SOD2: variants seen among roughly 807,000 people sequenced by gnomAD.
SOD2 encodes the protein superoxide dismutase [Mn], mitochondrial.
SOD2 carries 11 observed loss-of-function variants against 27.0 expected under a neutral mutation model. The observed-to-expected ratio is 0.41, with a 90% CI of 0.26 to 0.67. SOD2 has a LOEUF of 0.67. Ranked by LOEUF, SOD2 falls within the 30% of genes least tolerant of loss-of-function variation. The probability of loss-of-function intolerance (pLI) is 0.34; values close to 1 mark genes in which losing one functional copy is unlikely to be tolerated. For missense variants in SOD2, 250 were observed against 274.5 expected (o/e 0.91, Z 0.63); for synonymous variants, 105 against 103.0 (o/e 1.02, Z -0.12).
At chr6:159,721,473 A>T (rs1778039269) in intron 1 of SOD2, among the ~76,000 whole-genome samples, 1 of 152,034 alleles carries the variant, frequency 6.6e-6, no homozygotes, top group South Asian at 2.1e-4. Context: ...GGTTCAAGCA[A>T]TTCTCCTGCC....
chr6:159,713,171 T>C, intron 1 of SOD2: 5 of 1,265,918 alleles, frequency 3.9e-6, no homozygotes, highest in African/African-American at 3.0e-5. Context: ...ACTATCTCCG[T>C]ATCTATGATC....
chr6:159,756,594 C>CTTTTTTTTTTTTT (rs3066261), intron 1 of SOD2, among the ~76,000 whole-genome samples: 2 of 94,370 alleles, frequency 2.1e-5, no homozygotes, highest in Non-Finnish European at 4.1e-5. Context: ...ATTTCTTAGG[C>CTTTTTTTTTTTTT]TTTTTTTTTT....
upstream of SOD2, among the ~76,000 whole-genome samples, chr6:159,694,250 C>G (rs1421315933): frequency 2.0e-5 from 3 of 152,228 alleles, no homozygotes; most frequent in African/African-American, 7.2e-5. Flanking sequence ...AGTTAAACAA[C>G]AATCCTGAAT....
chr6:159,703,317 T>TTGTA (rs1777560909), intron 1 of SOD2, among the ~76,000 whole-genome samples: 1 of 152,066 alleles, frequency 6.6e-6, no homozygotes, highest in Admixed American at 6.6e-5. Flanking sequence ...GCTTCTGTTT[T>TTGTA]TGTATGTATG....
chr6:159,728,747 C>T (rs1778383585), upstream of SOD2, among the ~76,000 whole-genome samples: 1 of 152,124 alleles, frequency 6.6e-6, no homozygotes, highest in Admixed American at 6.5e-5. Flanking sequence ...GATTGCAGTC[C>T]GCAAAGCTGG....
rs530080931 is a variant in SOD2, at chr6:159,705,517, A to T, written c.-115-12654T>A. ...GATTCGATCAACTGGAAGAAAGGGT[A>T]TCAGTGATTGAAGATCAAATGAATG... is the stretch of plus-strand genomic sequence containing the variant. On this transcript the variant is annotated intron_variant, in intron 1 of 2. Transcript: ENST00000401980. Among the ~76,000 whole-genome samples, 361 of 152,390 alleles carry T rather than the reference A, an allele frequency of 2.4e-3. 1 individual carries two copies. Among genetic ancestry groups the T allele is most frequent in the South Asian group, 3.5e-3 (17 of 4,828 alleles).
chr6:159,727,767 C>T (rs2114853406), upstream of SOD2: 2 of 973,236 alleles, frequency 2.1e-6, no homozygotes, highest in Non-Finnish European at 2.4e-6. Context: ...GGCTGATGCG[C>T]AGCCGCCCCC....
At chr6:159,712,322 G>A (rs375157737) in intron 1 of SOD2, among the ~76,000 whole-genome samples, 382 of 122,600 alleles carry the variant, frequency 3.1e-3, no homozygotes, top group South Asian at 7.0e-3. Context: ...CACTCACACT[G>A]CTCTGATCAC....
chr6:159,680,984 T>C lies in SOD2; in HGVS notation c.*1509A>G, dbSNP rs771568524. The C allele has an allele frequency of 1.4e-5, 2 of 147,144 alleles. No homozygotes were observed. Among genetic ancestry groups the C allele is most frequent in the African/African-American group, 5.0e-5 (2 of 40,296 alleles). The allele number at this position is 147,144 out of a possible 1,614,324, so 9.1% of individuals were successfully genotyped here. A position where few individuals can be genotyped will look rare whatever the true frequency, so the allele number is the denominator to read the frequency against. ...CGCCTATATAAAGAAAATATTCCAA[T>C]AGGAGATAAACCTATGTACACAGAG... is the stretch of plus-strand genomic sequence containing the variant. On this transcript the variant is annotated 3_prime_UTR_variant, in exon 5 of 5. Transcript: ENST00000538183.
At chr6:159,757,812 T>A (rs921787259) in intron 1 of SOD2, among the ~76,000 whole-genome samples, 2 of 152,250 alleles carry the variant, frequency 1.3e-5, no homozygotes, top group African/African-American at 4.8e-5. Context: ...TATCAGATAC[T>A]GTGTTTGGCT....
intron 1 of SOD2, chr6:159,743,637 T>G (rs1583091432): frequency 6.4e-7 from 1 of 1,570,298 alleles, no homozygotes. Flanking sequence ...CTTAAAATTG[T>G]ATTTATAATT....
chr6:159,711,002 GACCTCCATAACC>G (rs1306679076), intron 1 of SOD2, among the ~76,000 whole-genome samples: 3 of 79,398 alleles, frequency 3.8e-5, no homozygotes, highest in Non-Finnish European at 5.4e-5. Context: ...ACACTGCTCT[GACCTCCATAACC>G]ACCTCCATAA....
chr6:159,738,694 C>G (rs1192593624), intron 1 of SOD2, among the ~76,000 whole-genome samples: 1 of 152,098 alleles, frequency 6.6e-6, no homozygotes, highest in East Asian at 1.9e-4. Flanking sequence ...TTCAGTTTCT[C>G]TGAATCCTCA....
chr6:159,724,044 C>T (rs376861267), intron 1 of SOD2, among the ~76,000 whole-genome samples: 1 of 152,076 alleles, frequency 6.6e-6, no homozygotes, highest in Non-Finnish European at 1.5e-5. Flanking sequence ...CCACTGCACC[C>T]AGCCCTCCAG....
At chr6:159,685,660 AG>A (rs375901719) in intron 3 of SOD2, among the ~76,000 whole-genome samples, 22 of 131,342 alleles carry the variant, frequency 1.7e-4, no homozygotes, top group African/African-American at 6.5e-4. Context: ...AGTATACAAC[AG>A]TTTTCACCCC....
At position 159,674,751 on chromosome 6, in the gene SOD2, A is replaced by T. The variant is rs1414867753; in HGVS notation, c.*7742T>A. The T allele has an allele frequency of 6.6e-6, 1 of 152,256 alleles. No individual in the cohort carries two copies. The highest frequency in any genetic ancestry group is 1.5e-5 in the Non-Finnish European group (1 of 68,040). The allele number at this position is 152,256 out of a possible 1,614,324, so 9.4% of individuals were successfully genotyped here. On this transcript the variant is annotated 3_prime_UTR_variant, in exon 5 of 5. Coordinates refer to ENST00000538183, the MANE Select transcript of SOD2 (RefSeq NM_000636.4). ...AGTGTTGGAAGTTCTGGCCAGGGCC[A>T]TCAGGCAGGAGAAAGAAATAAAGGG...
At chr6:159,727,377 C>CAGGAGGCGGGAGGCGGGAGGA, upstream of SOD2, 1 of 536,502 alleles carries the variant, frequency 1.9e-6, no homozygotes, top group Non-Finnish European at 2.6e-6. Flanking sequence ...GGGAGGCTGG[C>CAGGAGGCGGGAGGCGGGAGGA]GGGAGGCGGG....
chr6:159,714,400 G>A (rs1368029990), intron 1 of SOD2, among the ~76,000 whole-genome samples: 2 of 151,998 alleles, frequency 1.3e-5, no homozygotes, highest in African/African-American at 4.8e-5. Flanking sequence ...AGCTTCCATC[G>A]GGAACAGACC....
chr6:159,724,034 C>T (rs1778091723), intron 1 of SOD2, among the ~76,000 whole-genome samples: 1 of 152,036 alleles, frequency 6.6e-6, no homozygotes, highest in African/African-American at 2.4e-5. Context: ...CAGGTGTGTG[C>T]CACTGCACCC....
Sources: allele counts gnomAD v4.1 joint callset (sites outside exome capture counted in the v4.1 genomes callset), GRCh38; gene constraint gnomAD v4.1.1; transcripts MANE v1.5; gene names NCBI Gene and HGNC (gene_info 2026-07-23, HGNC 2026-07-21).